Variants in ATXN1 observed in about 807,000 individuals in gnomAD.
ATXN1 encodes ataxin 1.
In ATXN1, 8 loss-of-function variants were observed where a neutral mutation model predicts 56.4. The observed-to-expected ratio is 0.14, with a 90% confidence interval of 0.08 to 0.26. The LOEUF is 0.26. Ranked by LOEUF, ATXN1 falls within the 10% of genes least tolerant of loss-of-function variation. ATXN1 has a pLI of 1.00. For synonymous variants in ATXN1, 514 were observed against 494.6 expected (o/e 1.04, Z -0.52); for missense variants, 987 against 1,106.5 (o/e 0.89, Z 1.53).
chr6:16,565,480 C>G (rs1329028638), intron 4 of ATXN1, among the ~76,000 whole-genome samples: 2 of 152,076 alleles, frequency 1.3e-5, no homozygotes, highest in Non-Finnish European at 2.9e-5. Context: ...TCAACCTTCT[C>G]CATAAAAATC....
rs1390956248 is a variant in ATXN1 at position 16,585,804 on chromosome 6, T to C, written c.-385A>G. 6.6e-6 allele frequency: 1 copy of C among 152,218 alleles called. No homozygotes were observed. Among genetic ancestry groups the C allele is most frequent in the Non-Finnish European group, 1.5e-5 (1 of 68,032 alleles). 9.4% of individuals were successfully genotyped at this position (152,218 alleles called of 1,614,324 possible). A position where few individuals can be genotyped will look rare whatever the true frequency, so the allele number is the denominator to read the frequency against. ...CCTGTACCATGTGCTTTCATCACAA[T>C]GGAGAACCATAAGCTATCAGTTCCT... is the stretch of plus-strand genomic sequence containing the variant. On this transcript the variant is annotated 5_prime_UTR_variant, in exon 4 of 8. Transcript: ENST00000436367.
chr6:16,687,096 A>T (rs1758934818), intron 2 of ATXN1, among the ~76,000 whole-genome samples: 1 of 152,204 alleles, frequency 6.6e-6, no homozygotes, highest in Admixed American at 6.5e-5. Flanking sequence ...ATTGGCATGT[A>T]ATTACAACCA....
intron 6 of ATXN1, among the ~76,000 whole-genome samples, chr6:16,367,844 G>C (rs766476213): frequency 6.6e-6 from 1 of 152,246 alleles, no homozygotes; most frequent in Non-Finnish European, 1.5e-5. Context: ...AAAGGGGGTA[G>C]GTCCTTCGTC....
At chr6:16,317,722 C>T (rs1760547294) in intron 7 of ATXN1, among the ~76,000 whole-genome samples, 1 of 152,000 alleles carries the variant, frequency 6.6e-6, no homozygotes, top group African/African-American at 2.4e-5. Flanking sequence ...GACCGCCTCC[C>T]ACCCTCCTCC....
chr6:16,730,852 A>G (rs894920458), intron 2 of ATXN1, among the ~76,000 whole-genome samples: 2 of 152,242 alleles, frequency 1.3e-5, no homozygotes, highest in Non-Finnish European at 2.9e-5. Flanking sequence ...TGGAAAAGCC[A>G]TAAATACAGA....
intron 3 of ATXN1, among the ~76,000 whole-genome samples, chr6:16,642,914 T>A (rs143094976): frequency 2.0e-5 from 3 of 152,300 alleles, no homozygotes; most frequent in East Asian, 1.9e-4. Flanking sequence ...AACCAAAAAA[T>A]TTGTGTGATT....
At chr6:16,307,265 T>G (rs1436985013) in intron 7 of ATXN1, among the ~76,000 whole-genome samples, 1 of 152,228 alleles carries the variant, frequency 6.6e-6, no homozygotes, top group Admixed American at 6.5e-5. Flanking sequence ...ATGAGCTCAA[T>G]GGACAACTGC....
chr6:16,411,508 T>C (rs914688578), intron 6 of ATXN1, among the ~76,000 whole-genome samples: 1 of 152,116 alleles, frequency 6.6e-6, no homozygotes, highest in Admixed American at 6.5e-5. Context: ...AATAGCAACA[T>C]TGATCTGGCA....
At chr6:16,603,525 G>C (rs993568309) in intron 3 of ATXN1, among the ~76,000 whole-genome samples, 1 of 152,216 alleles carries the variant, frequency 6.6e-6, no homozygotes, top group African/African-American at 2.4e-5. Flanking sequence ...AGGAAAGGCA[G>C]GTTTTAAGAC....
At chr6:16,478,501 C>T (rs1012865720) in intron 6 of ATXN1, among the ~76,000 whole-genome samples, 4 of 152,166 alleles carry the variant, frequency 2.6e-5, no homozygotes, top group African/African-American at 7.2e-5. Context: ...TGAACAATAG[C>T]GTTCTACTCT....
intron 2 of ATXN1, among the ~76,000 whole-genome samples, chr6:16,663,216 A>G (rs6459479): frequency 0.7 from 105,632 of 151,540 alleles, 38,191 homozygotes; most frequent in African/African-American, 0.89. Context: ...TGATCCACCC[A>G]CCTCGGCCTC....
intron 2 of ATXN1, among the ~76,000 whole-genome samples, chr6:16,719,375 C>T (rs1193330795): frequency 6.6e-6 from 1 of 152,212 alleles, no homozygotes; most frequent in South Asian, 2.1e-4. Context: ...AGCTAAATGT[C>T]GCAAGCAGCA....
Position 16,647,161 on chromosome 6 carries a change from C to T in ATXN1, c.-489+10615G>A, listed in dbSNP as rs576506127. Among the ~76,000 whole-genome samples, 7 of 152,234 alleles carry T rather than the reference C, an allele frequency of 4.6e-5. No homozygotes were observed. In the East Asian group the frequency reaches 1.2e-3, roughly 25 times the overall value. On this transcript the variant is annotated intron_variant, in intron 3 of 7. Coordinates refer to ENST00000436367, the MANE Select transcript of ATXN1 (RefSeq NM_001128164.2). The stretch of plus-strand genomic sequence containing the variant: ...CTGGGACTACAGGCACCTGCCACCA[C>T]GCCCGGCTAATTTTTATATTTTTAG...
At chr6:16,689,727 C>T (rs960428278) in intron 2 of ATXN1, among the ~76,000 whole-genome samples, 1 of 151,914 alleles carries the variant, frequency 6.6e-6, no homozygotes, top group Non-Finnish European at 1.5e-5. Context: ...TTAATATGTC[C>T]ATCACCTCAC....
At chr6:16,558,622 T>C (rs1165974859) in intron 4 of ATXN1, among the ~76,000 whole-genome samples, 2 of 152,144 alleles carry the variant, frequency 1.3e-5, no homozygotes, top group African/African-American at 2.4e-5. Context: ...GCTCTCGCCT[T>C]GGCCTCCCAA....
chr6:16,324,062 C>T (rs536515639), intron 7 of ATXN1, among the ~76,000 whole-genome samples: 6 of 152,226 alleles, frequency 3.9e-5, no homozygotes, highest in South Asian at 4.2e-4. Context: ...TGCAGGGCCC[C>T]GGCTTTGTGC....
chr6:16,690,888 C>A (rs1759030829), intron 2 of ATXN1, among the ~76,000 whole-genome samples: 1 of 152,136 alleles, frequency 6.6e-6, no homozygotes, highest in Admixed American at 6.5e-5. Context: ...ACAACCTGTG[C>A]CTCCTGTCCT....
chr6:16,689,494 T>C (rs1263594589), intron 2 of ATXN1, among the ~76,000 whole-genome samples: 6 of 145,896 alleles, frequency 4.1e-5, no homozygotes, highest in Non-Finnish European at 7.4e-5. Context: ...TTCTTTTTTT[T>C]CCTTCCTTTT....
rs1297676328 is a variant in ATXN1, at chr6:16,760,103, G to A, written c.-730+1195C>T. ...CCCCTTCCCTGCCCCCTGCGGGACCGGCCTGCGCGCAGCACTGGAACCACG... is the reference window on the plus strand; with the variant it reads ...CCCCTTCCCTGCCCCCTGCGGGACCAGCCTGCGCGCAGCACTGGAACCACG... On this transcript the variant is annotated intron_variant, in intron 1 of 7. Coordinates refer to ENST00000436367, the MANE Select transcript of ATXN1 (RefSeq NM_001128164.2). This position sits in a 1 kb window ranked among gnomAD's most constrained non-coding sequence, Gnocchi z 5.3. Among the ~76,000 whole-genome samples, 1 of 151,962 alleles carries A rather than the reference G, an allele frequency of 6.6e-6. No individual in the cohort carries two copies. The highest frequency in any genetic ancestry group is 6.5e-5 in the Admixed American group (1 of 15,276).
Sources: allele counts gnomAD v4.1 joint callset (sites outside exome capture counted in the v4.1 genomes callset), GRCh38; gene constraint gnomAD v4.1.1; non-coding constraint Gnocchi (gnomAD v3.1); transcripts MANE v1.5; gene names NCBI Gene and HGNC (gene_info 2026-07-23, HGNC 2026-07-21).